The following TRPM6 variants were observed in gnomAD, a reference collection of about 807,000 sequenced individuals.
The protein encoded by TRPM6 is channel kinase 2.
TRPM6 carries 111 observed loss-of-function variants against 247.6 expected under a neutral mutation model. That is an observed-to-expected ratio of 0.45 (90% CI 0.38 to 0.52). TRPM6 has a LOEUF of 0.52. TRPM6 is among the 20% of genes least tolerant of loss of function. The probability of loss-of-function intolerance (pLI) is 0.00; values close to 1 mark genes in which losing one functional copy is unlikely to be tolerated. For missense variants in TRPM6, 2,126 were observed against 2,421.5 expected (o/e 0.88, Z 2.56); for synonymous variants, 892 against 853.8 (o/e 1.04, Z -0.78).
intron 14 of TRPM6, among the ~76,000 whole-genome samples, chr9:74,805,143 G>A (rs1049820986): frequency 6.6e-6 from 1 of 152,124 alleles, no homozygotes; most frequent in African/African-American, 2.4e-5. Context: ...CTAATTTGTG[G>A]TTAACTTTAG....
intron 12 of TRPM6, among the ~76,000 whole-genome samples, chr9:74,811,292 C>A (rs1400297406): frequency 6.6e-6 from 1 of 152,152 alleles, no homozygotes; most frequent in Admixed American, 6.6e-5. Flanking sequence ...AGAGTGGCTA[C>A]TTACACTAAA....
chr9:74,816,379 A>G (rs1370064441), intron 11 of TRPM6, among the ~76,000 whole-genome samples: 1 of 151,862 alleles, frequency 6.6e-6, no homozygotes, highest in Non-Finnish European at 1.5e-5. Context: ...TAAAAATAAA[A>G]TAACATAAAT....
chr9:74,788,097 T>C (rs1326296726), intron 20 of TRPM6, among the ~76,000 whole-genome samples: 1 of 152,032 alleles, frequency 6.6e-6, no homozygotes, highest in African/African-American at 2.4e-5. Flanking sequence ...ACTATTTGCC[T>C]CAGAGAGATT....
intron 1 of TRPM6, among the ~76,000 whole-genome samples, chr9:74,869,115 G>C (rs1830944969): frequency 6.6e-6 from 1 of 152,158 alleles, no homozygotes. Context: ...TCAATTTCAA[G>C]AGATTCAGGA....
In TRPM6 at chr9:74,762,710, C is replaced by T. The variant is rs540413619; in HGVS notation, c.3961G>A (p.Glu1321Lys). Reference protein sequence around the residue: ...TNVRNDQERQETQSSIVVSGV... With the variant: ...TNVRNDQERQKTQSSIVVSGV... ...GAAACCACTATACTACTTTGTGTTTCTTGCCTTTCCTGGTCATTTCTTACA... is the reference window on the plus strand; with the variant it reads ...GAAACCACTATACTACTTTGTGTTTTTTGCCTTTCCTGGTCATTTCTTACA... The change falls in exon 26 of 39, where the codon GAA becomes AAA. Residue 1321 changes from glutamate (E) to lysine (K), a missense_variant. Glu to Lys is a moderately conservative substitution (Grantham distance 56). Transcript: ENST00000360774. 1.9e-6 allele frequency: 3 copies of T among 1,614,178 alleles called. No individual in the cohort carries two copies. In the African/African-American group the frequency reaches 4.0e-5, roughly 22 times the overall value.
At chr9:74,735,778 A>C (rs1825676526) in intron 36 of TRPM6, among the ~76,000 whole-genome samples, 1 of 152,264 alleles carries the variant, frequency 6.6e-6, no homozygotes, top group South Asian at 2.1e-4. Context: ...CATAATTACA[A>C]GTGATTGGAA....
chr9:74,759,382 AT>A (rs1287312518), intron 27 of TRPM6, among the ~76,000 whole-genome samples: 10 of 152,178 alleles, frequency 6.6e-5, no homozygotes, highest in African/African-American at 2.2e-4. Flanking sequence ...ATAACATAAT[AT>A]TGGCATAGAG....
chr9:74,846,786 T>C (rs1373154226), intron 3 of TRPM6, among the ~76,000 whole-genome samples: 1 of 152,138 alleles, frequency 6.6e-6, no homozygotes, highest in Admixed American at 6.5e-5. Flanking sequence ...TGACCTCAGG[T>C]GATCCACCCA....
chr9:74,728,286 A>G lies in TRPM6; in HGVS notation c.5888T>C (p.Ile1963Thr), dbSNP rs377063689. The change falls in exon 38 of 39, where the codon ATT (isoleucine) becomes ACT (threonine). Residue 1963 changes from isoleucine to threonine, a missense_variant. Coordinates refer to ENST00000360774, the MANE Select transcript of TRPM6 (RefSeq NM_017662.5). ...NLGEDAIRNF[I>T]AKHHCNSCCR... ...GCAGGAGTTACAATGATGTTTTGCA[A>G]TGAAGTTTCTAATTGCATCTTCCCC... is the stretch of plus-strand genomic sequence containing the variant. The G allele has an allele frequency of 6.2e-7, 1 of 1,614,196 alleles. No homozygotes were observed.
At chr9:74,879,988 T>C (rs1831311371) in intron 1 of TRPM6, among the ~76,000 whole-genome samples, 1 of 152,068 alleles carries the variant, frequency 6.6e-6, no homozygotes, top group Admixed American at 6.6e-5. Context: ...TGGCACTATC[T>C]TCAGGTAGAT....
intron 1 of TRPM6, 129 bp downstream of exon 1, chr9:74,887,695 C>G (rs1831582821): frequency 6.2e-7 from 1 of 1,609,132 alleles, no homozygotes; most frequent in African/African-American, 1.3e-5. Flanking sequence ...TTCATAAATC[C>G]TAGCTATTCT....
chr9:74,858,112 C>T lies in TRPM6; in HGVS notation c.113+557G>A, dbSNP rs183241078. Among the ~76,000 whole-genome samples, 164 of 152,238 alleles carry T rather than the reference C, an allele frequency of 1.1e-3. 1 individual carries two copies. The highest frequency in any genetic ancestry group is 7.3e-3 in the South Asian group (35 of 4,826). Reference sequence around the variant, plus strand: ...TTAAATTCCTTAAACAGATATTTATCGCTCGGTGGCTCACGCCTGTAATCC... The same window carrying T: ...TTAAATTCCTTAAACAGATATTTATTGCTCGGTGGCTCACGCCTGTAATCC... On this transcript the variant is annotated intron_variant, in intron 2 of 38. Coordinates refer to ENST00000360774, the MANE Select transcript of TRPM6 (RefSeq NM_017662.5).
chr9:74,828,646 T>G (rs999115578), intron 6 of TRPM6, among the ~76,000 whole-genome samples: 1 of 150,910 alleles, frequency 6.6e-6, no homozygotes, highest in Non-Finnish European at 1.5e-5. Flanking sequence ...TTTTTTTTTT[T>G]GAGATGGAGT....
At chr9:74,801,290 A>C (rs1587521519) in intron 16 of TRPM6, among the ~76,000 whole-genome samples, 1 of 114,656 alleles carries the variant, frequency 8.7e-6, no homozygotes, top group African/African-American at 3.4e-5. Flanking sequence ...ACGGAGTCTC[A>C]CTCTGTCGCC....
At chr9:74,792,507 T>C in intron 19 of TRPM6, 117 bp downstream of exon 19, 1 of 1,195,752 alleles carries the variant, frequency 8.4e-7, no homozygotes, top group Non-Finnish European at 1.2e-6. Context: ...GCCCTCACTT[T>C]TTTTTAACTA....
At position 74,782,376 on chromosome 9, in the gene TRPM6, C is replaced by A. The variant is rs1827493419; in HGVS notation, c.3195G>T (p.Leu1065Phe). ...FVQYIIMVNL[L>F]IAFFNNVYLD... is the part of the protein sequence containing the mutation. ...AAATAACCTACTTGAAGAAAGCAAT[C>A]AACAGGTTCACCATGATGATATATT... The change falls in exon 23 of 39, where the codon TTG becomes TTT. Residue 1065 changes from leucine (L) to phenylalanine (F), a missense_variant. By Grantham distance (22) the Leu-to-Phe change is conservative. Transcript: ENST00000360774. 1.2e-6 allele frequency: 2 copies of A among 1,612,902 alleles called. No individual in the cohort carries two copies. Among genetic ancestry groups the A allele is most frequent in the South Asian group, 1.1e-5 (1 of 90,986 alleles).
chr9:74,748,052 G>A, intron 30 of TRPM6, 138 bp from the exon 31 acceptor site: 1 of 786,868 alleles, frequency 1.3e-6, no homozygotes, highest in Non-Finnish European at 2.1e-6. Flanking sequence ...ATACAGTCAT[G>A]TACTGCCTAA....
chr9:74,732,523 A>G (rs1587448974), intron 37 of TRPM6, among the ~76,000 whole-genome samples, 162 bp downstream of exon 37: 1 of 152,268 alleles, frequency 6.6e-6, no homozygotes, highest in African/African-American at 2.4e-5. Flanking sequence ...TTCCTAACCT[A>G]TGCTTTTTTA....
At position 74,737,525 on chromosome 9, in the gene TRPM6, T is replaced by A; in HGVS notation, c.5776+882A>T. On this transcript the variant is annotated intron_variant, in intron 36 of 38. Transcript: ENST00000360774. ...CCATAAGATGGTTATACCCTCTACATATGAAACTCTTAAAAGAAATAAAAG... is the reference window on the plus strand; with the variant it reads ...CCATAAGATGGTTATACCCTCTACAAATGAAACTCTTAAAAGAAATAAAAG... 4 of 789,516 alleles carry A rather than the reference T, an allele frequency of 5.1e-6. No homozygotes were observed. In the East Asian group the frequency reaches 1.9e-4, roughly 38 times the overall value. 48.9% of individuals were successfully genotyped at this position (789,516 alleles called of 1,614,324 possible). A position where few individuals can be genotyped will look rare whatever the true frequency, so the allele number is the denominator to read the frequency against.
Sources: gnomAD v4.1 joint callset for allele counts (sites outside exome capture counted in the v4.1 genomes callset) on GRCh38, gnomAD v4.1.1 for gene constraint, MANE v1.5 for transcripts, NCBI Gene and HGNC (gene_info 2026-07-23, HGNC 2026-07-21) for gene names.